The following CDH18 variants were observed in gnomAD, a reference collection of about 807,000 sequenced individuals.
CDH18 encodes cadherin 18.
A neutral mutation model predicts 67.9 loss-of-function variants in CDH18; 31 were observed. The observed-to-expected ratio is 0.46, with a 90% CI of 0.34 to 0.62. CDH18 has a LOEUF of 0.62. CDH18 is among the 20% of genes least tolerant of loss of function. The pLI, the probability that CDH18 is intolerant of heterozygous loss-of-function variation, is 0.01. For synonymous variants in CDH18, 362 were observed against 347.2 expected (o/e 1.04, Z -0.48); for missense variants, 890 against 975.5 (o/e 0.91, Z 1.17).
At chr5:19,715,021 AATAG>A in intron 5 of CDH18, among the ~76,000 whole-genome samples, 1 of 152,228 alleles carries the variant, frequency 6.6e-6, no homozygotes, top group East Asian at 1.9e-4. Flanking sequence ...CTTAGCTTTT[AATAG>A]ATATAAAATA....
chr5:20,520,649 T>C (rs187773239), intron 1 of CDH18, among the ~76,000 whole-genome samples: 54 of 152,278 alleles, frequency 3.5e-4, no homozygotes, highest in Non-Finnish European at 5.0e-4. Context: ...TTCCCAGATT[T>C]TGTAGATGGC....
In CDH18 at chr5:19,994,855, T is replaced by TATAGAGAGAGAG. The variant is rs760777430; in HGVS notation, c.-517-2842_-517-2841insCTCTCTCTCTAT. The stretch of plus-strand genomic sequence containing the variant: ...ATATATATATATATATATATATATA[T>TATAGAGAGAGAG]AGAGAGAGAGAGAGAGAGAGAGATG... On this transcript the variant is annotated intron_variant, in intron 2 of 14. Coordinates refer to the CDH18 transcript ENST00000507958. Among the ~76,000 whole-genome samples, 314 of 67,580 alleles carry TATAGAGAGAGAG rather than the reference T, an allele frequency of 4.6e-3. 44 individuals are homozygous for TATAGAGAGAGAG. The highest frequency in any genetic ancestry group is 0.03 in the East Asian group (56 of 1,870). 44.3% of individuals were successfully genotyped at this position (67,580 alleles called of 152,430 possible). A position where few individuals can be genotyped will look rare whatever the true frequency, so the allele number is the denominator to read the frequency against.
At chr5:19,616,933 T>C (rs1749930995) in intron 5 of CDH18, among the ~76,000 whole-genome samples, 1 of 152,146 alleles carries the variant, frequency 6.6e-6, no homozygotes, top group Admixed American at 6.6e-5. Context: ...TCTCCTTTTT[T>C]AAATTTTTTT....
At chr5:19,668,406 A>C (rs994482499) in intron 5 of CDH18, among the ~76,000 whole-genome samples, 1 of 152,052 alleles carries the variant, frequency 6.6e-6, no homozygotes, top group Non-Finnish European at 1.5e-5. Context: ...AGATGATAAT[A>C]AACATCCGCT....
intron 2 of CDH18, among the ~76,000 whole-genome samples, chr5:20,207,338 C>T (rs1391566972): frequency 6.6e-6 from 1 of 151,486 alleles, no homozygotes; most frequent in Admixed American, 6.6e-5. Flanking sequence ...TTGAAAAGAA[C>T]ATTAAAAAAA....
chr5:19,473,436 T>C lies in CDH18; in HGVS notation c.2163A>G (p.Ala721=). Residue 721 remains alanine, a synonymous_variant, in exon 13 of 13, where the codon GCA becomes GCG. Coordinates refer to ENST00000382275, the MANE Select transcript of CDH18 (RefSeq NM_004934.5). Reference sequence around the variant, plus strand: ...GAACGCTAGGGTCTAGGTCTGCTTCTGCCAGTCTTTGCTTAATAAATTCCT... The same window carrying C: ...GAACGCTAGGGTCTAGGTCTGCTTCCGCCAGTCTTTGCTTAATAAATTCCT... ...DVQEFIKQRL[A]EADLDPSVPP... The C allele has an allele frequency of 6.2e-7, 1 of 1,613,918 alleles. No individual in the cohort carries two copies. The highest frequency in any genetic ancestry group is 8.5e-7 in the Non-Finnish European group (1 of 1,179,920).
intron 2 of CDH18, among the ~76,000 whole-genome samples, chr5:20,212,660 C>A (rs181948890): frequency 6.6e-6 from 1 of 151,578 alleles, no homozygotes. Context: ...CCCACAAATT[C>A]ATATCCGGCC....
At chr5:19,626,558 C>A in intron 5 of CDH18, among the ~76,000 whole-genome samples, 1 of 151,818 alleles carries the variant, frequency 6.6e-6, no homozygotes, top group East Asian at 1.9e-4. Context: ...CCTTGGATTC[C>A]TTTATTCTGA....
intron 2 of CDH18, among the ~76,000 whole-genome samples, chr5:20,171,220 T>G (rs1736684158): frequency 6.6e-6 from 1 of 152,226 alleles, no homozygotes; most frequent in East Asian, 1.9e-4. Flanking sequence ...TTATATTCCT[T>G]TGGGTACATA....
intron 2 of CDH18, among the ~76,000 whole-genome samples, chr5:20,096,854 C>T (rs977272724): frequency 3.3e-5 from 5 of 151,448 alleles, no homozygotes; most frequent in Non-Finnish European, 7.4e-5. Flanking sequence ...AAAAAATCAG[C>T]AACTAATTTA....
intron 1 of CDH18, among the ~76,000 whole-genome samples, chr5:20,265,110 CAT>C (rs1040910933): frequency 1.3e-5 from 2 of 152,158 alleles, no homozygotes; most frequent in African/African-American, 4.8e-5. Context: ...ATCAGTTATT[CAT>C]ATTAGATTAT....
intron 10 of CDH18, among the ~76,000 whole-genome samples, chr5:19,516,799 A>AC (rs1360684625): frequency 1.8e-4 from 28 of 151,854 alleles, no homozygotes; most frequent in African/African-American, 6.8e-4. Context: ...CAAAAAAAAC[A>AC]AGCTCCTGGA....
At chr5:20,113,159 A>T (rs998584942) in intron 2 of CDH18, among the ~76,000 whole-genome samples, 1 of 152,180 alleles carries the variant, frequency 6.6e-6, no homozygotes, top group African/African-American at 2.4e-5. Context: ...TAAGCATTTT[A>T]TTTCATTCTG....
chr5:19,501,753 A>G, intron 11 of CDH18, among the ~76,000 whole-genome samples: 1 of 152,184 alleles, frequency 6.6e-6, no homozygotes, highest in East Asian at 1.9e-4. Context: ...TATGATTCCA[A>G]TCTCCTAAGG....
intron 2 of CDH18, among the ~76,000 whole-genome samples, chr5:20,105,579 C>T (rs1274087260): frequency 6.6e-6 from 1 of 151,778 alleles, no homozygotes; most frequent in African/African-American, 2.4e-5. Flanking sequence ...CCCCATCATT[C>T]CCTCCCTATA....
intron 11 of CDH18, among the ~76,000 whole-genome samples, chr5:19,500,376 T>G (rs1349221944): frequency 6.6e-6 from 1 of 152,188 alleles, no homozygotes; most frequent in South Asian, 2.1e-4. Flanking sequence ...ATGGTATTAT[T>G]AAATCTACCA....
intron 2 of CDH18, among the ~76,000 whole-genome samples, chr5:20,172,221 T>TATATATATAC (rs1554098770): frequency 3.8e-5 from 3 of 78,346 alleles, no homozygotes; most frequent in African/African-American, 1.1e-4. Context: ...TATATATATA[T>TATATATATAC]ATGTATATAT....
At chr5:19,721,567 T>C (rs1766106499) in intron 4 of CDH18, 101 bp from the exon 5 acceptor site, 2 of 971,190 alleles carry the variant, frequency 2.1e-6, no homozygotes, top group Non-Finnish European at 3.0e-6. Flanking sequence ...TGGAGATCAG[T>C]ACTGGTTGTG....
At chr5:19,793,110 C>T (rs558972629) in intron 3 of CDH18, among the ~76,000 whole-genome samples, 4 of 152,186 alleles carry the variant, frequency 2.6e-5, no homozygotes, top group African/African-American at 4.8e-5. Flanking sequence ...TGACAGAAAA[C>T]CCTGCAATTC....
Sources: allele counts gnomAD v4.1 joint callset (sites outside exome capture counted in the v4.1 genomes callset), GRCh38; gene constraint gnomAD v4.1.1; transcripts MANE v1.5; gene names NCBI Gene and HGNC (gene_info 2026-07-23, HGNC 2026-07-21).